Variants in SHISA9 observed in about 807,000 individuals in gnomAD.
The protein encoded by SHISA9 is shisa family member 9, also known as protein shisa-9.
In SHISA9, 13 loss-of-function variants were observed where a neutral mutation model predicts 38.0. The ratio of observed to expected loss-of-function variants is 0.34; its 90% CI spans 0.22 to 0.54. The LOEUF (loss-of-function observed/expected upper bound fraction) is 0.54, where lower values mean the gene tolerates loss of function less well. Ranked by LOEUF, SHISA9 falls within the 20% of genes least tolerant of loss-of-function variation. The pLI is 0.91. For synonymous variants in SHISA9, 275 were observed against 242.0 expected (o/e 1.14, Z -1.27); for missense variants, 538 against 575.8 (o/e 0.93, Z 0.67).
the SHISA9 span, among the ~76,000 whole-genome samples, chr16:13,452,227 A>G: frequency 6.6e-6 from 1 of 152,222 alleles, no homozygotes; most frequent in African/African-American, 2.4e-5. Context: ...GCACAGGGGT[A>G]ATAAAGAAAC....
At chr16:13,293,774 C>A in the SHISA9 span, among the ~76,000 whole-genome samples, 1 of 152,148 alleles carries the variant, frequency 6.6e-6, no homozygotes, top group Admixed American at 6.5e-5. Context: ...TCCATTCTGT[C>A]ATTGCACAGC....
At position 13,176,030 on chromosome 16, in the gene SHISA9, A is replaced by AT. The variant is rs1159491481; in HGVS notation, c.692-27357dup. ...AAATGTAACTTTAAGTAGGCATAGC[A>AT]TTTTTTTCCTACTAAAGTTACATTT... On this transcript the variant is annotated intron_variant, in intron 2 of 4. Transcript: ENST00000558583. 6.6e-5 allele frequency among the ~76,000 whole-genome samples: 10 copies of AT among 152,110 alleles called. No individual in the cohort carries two copies. The South Asian group carries it at 2.1e-3, about 32-fold the overall frequency.
the SHISA9 span, among the ~76,000 whole-genome samples, chr16:13,306,289 G>T: frequency 2.0e-5 from 3 of 152,162 alleles, no homozygotes; most frequent in Non-Finnish European, 4.4e-5. Context: ...TTTTGTTGTT[G>T]TTGTTCAGTT....
chr16:13,019,892 T>TTTCC (rs2072819192), intron 2 of SHISA9, among the ~76,000 whole-genome samples: 2 of 17,776 alleles, frequency 1.1e-4, no homozygotes, highest in Admixed American at 5.6e-4. Context: ...CCCTTCTTTC[T>TTTCC]TTCTTTCTTT....
At chr16:13,214,797 C>A (rs1462104538) in intron 4 of SHISA9, among the ~76,000 whole-genome samples, 4 of 152,162 alleles carry the variant, frequency 2.6e-5, no homozygotes, top group Non-Finnish European at 5.9e-5. Flanking sequence ...GTGAGACTCA[C>A]TCACTCTCAC....
intron 1 of SHISA9, among the ~76,000 whole-genome samples, chr16:12,914,817 C>T (rs753905095): frequency 3.9e-5 from 6 of 152,182 alleles, no homozygotes; most frequent in Non-Finnish European, 8.8e-5. Flanking sequence ...GGGTGAACTC[C>T]ACCCCTGTAG....
At chr16:12,963,181 T>C (rs1480993495) in intron 2 of SHISA9, among the ~76,000 whole-genome samples, 3 of 152,226 alleles carry the variant, frequency 2.0e-5, no homozygotes, top group Admixed American at 2.0e-4. Context: ...TTGTTCTTAG[T>C]TGTCAGCTGA....
At chr16:13,152,238 T>C (rs2050505967) in intron 2 of SHISA9, among the ~76,000 whole-genome samples, 1 of 152,042 alleles carries the variant, frequency 6.6e-6, no homozygotes, top group African/African-American at 2.4e-5. Context: ...TTTCAGACAC[T>C]TTTTTTTCCC....
chr16:13,419,964 A>G, the SHISA9 span, among the ~76,000 whole-genome samples: 1 of 152,144 alleles, frequency 6.6e-6, no homozygotes, highest in East Asian at 1.9e-4. Context: ...TGTTTGCTCA[A>G]GCTGGGCACA....
chr16:13,504,686 C>T, the SHISA9 span, among the ~76,000 whole-genome samples: 1 of 152,102 alleles, frequency 6.6e-6, no homozygotes. Context: ...ACCACTAGCC[C>T]TCAGAGGATT....
intron 2 of SHISA9, among the ~76,000 whole-genome samples, chr16:12,985,245 A>G (rs200340717): frequency 0.032 from 1,912 of 58,898 alleles, 17 homozygotes; most frequent in Non-Finnish European, 0.046. Context: ...AAATAAGTAA[A>G]TAAATAAATA....
At chr16:13,388,293 A>C in the SHISA9 span, among the ~76,000 whole-genome samples, 1 of 151,700 alleles carries the variant, frequency 6.6e-6, no homozygotes, top group Non-Finnish European at 1.5e-5. Flanking sequence ...GCAGTGGGAA[A>C]TCCCAGAATT....
chr16:13,386,126 C>A, the SHISA9 span, among the ~76,000 whole-genome samples: 1 of 152,054 alleles, frequency 6.6e-6, no homozygotes, highest in African/African-American at 2.4e-5. Flanking sequence ...TAGACACACA[C>A]AAATGAGTAC....
At chr16:13,083,609 C>T (rs1178087893) in intron 2 of SHISA9, among the ~76,000 whole-genome samples, 1 of 152,190 alleles carries the variant, frequency 6.6e-6, no homozygotes, top group Non-Finnish European at 1.5e-5. Context: ...TCAATTGCAT[C>T]TCAGAGCTGG....
chr16:13,355,055 C>T, the SHISA9 span, among the ~76,000 whole-genome samples: 1 of 149,246 alleles, frequency 6.7e-6, no homozygotes, highest in African/African-American at 2.5e-5. Context: ...TGTTTGAGAT[C>T]TAGAACAGAA....
chr16:13,178,185 A>C (rs1486351837), intron 2 of SHISA9, among the ~76,000 whole-genome samples: 1 of 152,182 alleles, frequency 6.6e-6, no homozygotes, highest in Non-Finnish European at 1.5e-5. Flanking sequence ...TGCTCAGAGC[A>C]TTCTCCTCCA....
In SHISA9 at chr16:13,195,092, T is replaced by C. The variant is rs569986419; in HGVS notation, c.692-8302T>C. On this transcript the variant is annotated intron_variant, in intron 2 of 4. Coordinates refer to ENST00000558583, the MANE Select transcript of SHISA9 (RefSeq NM_001145204.3). ...GCATACATATCTAAATTCCCTTACCTTGTCAGCATAGAGGGAGTAGAAAAA... is the reference window on the plus strand; with the variant it reads ...GCATACATATCTAAATTCCCTTACCCTGTCAGCATAGAGGGAGTAGAAAAA... 3.3e-4 allele frequency among the ~76,000 whole-genome samples: 51 copies of C among 152,310 alleles called. 1 individual carries two copies. The East Asian group carries it at 9.4e-3, about 28-fold the overall frequency.
intron 2 of SHISA9, among the ~76,000 whole-genome samples, chr16:13,183,752 C>T (rs139539691): frequency 9.1e-4 from 139 of 152,330 alleles, no homozygotes; most frequent in Non-Finnish European, 1.4e-3. Flanking sequence ...GTTAATTACA[C>T]TTACTTTAAG....
chr16:13,347,964 A>T, the SHISA9 span, among the ~76,000 whole-genome samples: 1 of 152,328 alleles, frequency 6.6e-6, no homozygotes, highest in South Asian at 2.1e-4. Context: ...TAAAATAGGG[A>T]GATTATCCTG....
Sources: gnomAD v4.1 joint callset for allele counts (sites outside exome capture counted in the v4.1 genomes callset) on GRCh38, gnomAD v4.1.1 for gene constraint, MANE v1.5 for transcripts, NCBI Gene and HGNC (gene_info 2026-07-23, HGNC 2026-07-21) for gene names.